LONRF1: variants seen among roughly 807,000 people sequenced by gnomAD.
The protein encoded by LONRF1 is LON peptidase N-terminal domain and ring finger 1.
LONRF1 carries 37 observed loss-of-function variants against 85.8 expected under a neutral mutation model. The observed-to-expected ratio is 0.43, with a 90% CI of 0.33 to 0.57. The LOEUF (loss-of-function observed/expected upper bound fraction) is 0.57, where lower values mean the gene tolerates loss of function less well. Among genes scored for constraint, LONRF1 ranks in the 20% least tolerant of loss-of-function variants. The probability of loss-of-function intolerance (pLI) is 0.04; values close to 1 mark genes in which losing one functional copy is unlikely to be tolerated. For synonymous variants in LONRF1, 517 were observed against 390.1 expected, an observed-to-expected ratio of 1.33 and a Z score of -3.83; for missense variants, 1,036 against 978.0, an observed-to-expected ratio of 1.06 and a Z score of -0.79.
intron 1 of LONRF1, among the ~76,000 whole-genome samples, chr8:12,752,221 T>C (rs528217337): frequency 1.3e-5 from 2 of 152,316 alleles, no homozygotes; most frequent in Admixed American, 6.5e-5. Context: ...CGTACAGTTA[T>C]ATAAATACAT....
At position 12,722,369 on chromosome 8, in the gene LONRF1, GT is replaced by G. The variant is rs1805925958; in HGVS notation, c.*726del. 6.6e-6 allele frequency: 1 copy of G among 152,590 alleles called. No individual in the cohort carries two copies. The highest frequency in any genetic ancestry group is 2.4e-5 in the African/African-American group (1 of 41,422). The allele number at this position is 152,590 out of a possible 1,614,324, so 9.5% of individuals were successfully genotyped here. ...ATTAAATGTAAACCATATTTTCACAGTTTTGAGTGTTTTATGAATAGATGCA... is the reference window on the plus strand; with the variant it reads ...ATTAAATGTAAACCATATTTTCACAGTTTGAGTGTTTTATGAATAGATGCA... On this transcript the variant is annotated 3_prime_UTR_variant, in exon 12 of 12. Transcript: ENST00000398246.
At chr8:12,741,624 G>C (rs1244773783) in intron 2 of LONRF1, among the ~76,000 whole-genome samples, 3 of 151,900 alleles carry the variant, frequency 2.0e-5, no homozygotes, top group Non-Finnish European at 4.4e-5. Flanking sequence ...GAGGGAAAAG[G>C]AAATTATACG....
At chr8:12,747,759 T>C (rs1472712598) in intron 1 of LONRF1, among the ~76,000 whole-genome samples, 4 of 151,440 alleles carry the variant, frequency 2.6e-5, no homozygotes, top group East Asian at 1.9e-4. Flanking sequence ...TCTCTCTCTT[T>C]TTTTTTTTTT....
intron 8 of LONRF1, 76 bp from the exon 9 acceptor site, chr8:12,729,408 G>T (rs151043826): frequency 3.5e-4 from 486 of 1,405,954 alleles, no homozygotes; most frequent in Non-Finnish European, 4.5e-4. Context: ...AATGAGTGAG[G>T]TTTATAACAG....
chr8:12,750,974 C>A, intron 1 of LONRF1, among the ~76,000 whole-genome samples: 1 of 152,198 alleles, frequency 6.6e-6, no homozygotes, highest in East Asian at 1.9e-4. Flanking sequence ...TGTTTTGACT[C>A]ATTTGATTCT....
intron 10 of LONRF1, among the ~76,000 whole-genome samples, chr8:12,726,875 T>G (rs2117225721): frequency 6.6e-6 from 1 of 152,296 alleles, no homozygotes; most frequent in South Asian, 2.1e-4. Context: ...AAATGAAAAC[T>G]AAAGTTTAAA....
At chr8:12,733,157 G>A (rs1292945866) in intron 7 of LONRF1, among the ~76,000 whole-genome samples, 1 of 152,072 alleles carries the variant, frequency 6.6e-6, no homozygotes, top group Non-Finnish European at 1.5e-5. Context: ...CATGGGGAGA[G>A]GTGGCCTTGG....
In LONRF1 at chr8:12,754,748, C is replaced by G; in HGVS notation, c.673G>C (p.Gly225Arg). The G allele has an allele frequency of 6.9e-7, 1 of 1,446,356 alleles. No individual in the cohort carries two copies. The highest frequency in any genetic ancestry group is 1.5e-5 in the African/African-American group (1 of 66,764). The allele number at this position is 1,446,356 out of a possible 1,614,324, so 89.6% of individuals were successfully genotyped here. ...GCGGCCAGGGCCTCCCGGTAGCGCCCCTGGTGCAGTAGCTCCCCGAGCCTG... is the reference window on the plus strand; with the variant it reads ...GCGGCCAGGGCCTCCCGGTAGCGCCGCTGGTGCAGTAGCTCCCCGAGCCTG... ...AGRLGELLHQ[G>R]RYREALAAAC... is the part of the protein sequence containing the mutation. The change falls in exon 1 of 12, where the codon GGG (glycine) becomes CGG (arginine). Residue 225 changes from glycine to arginine, a missense_variant. By Grantham distance (125) the Gly-to-Arg change is moderately radical. Around this residue, in one of 3 missense-constraint regions of LONRF1, gnomAD observed 742 missense variants for 614.4 expected, o/e 1.21. Coordinates refer to ENST00000398246, the MANE Select transcript of LONRF1 (RefSeq NM_152271.5).
chr8:12,743,001 T>C (rs1044909284), intron 2 of LONRF1, among the ~76,000 whole-genome samples, 163 bp downstream of exon 2: 7 of 152,198 alleles, frequency 4.6e-5, no homozygotes, highest in African/African-American at 1.7e-4. Flanking sequence ...GCTAGGATTA[T>C]GGAAATGAGC....
In LONRF1 at chr8:12,743,174, T is replaced by C. The variant is rs766339582; in HGVS notation, c.830A>G (p.Asp277Gly). The part of the protein sequence containing the change: ...DLNAVLFQLP[D>G]WPEVYFRKGK... ...AAACAGTAATTTTACCTCAGGCCAA[T>C]CTGGAAGTTGAAAAAGAACTGCATT... The change falls in exon 2 of 12, where the codon GAT (aspartate) becomes GGT (glycine). Residue 277 changes from aspartate (D) to glycine (G), a missense_variant. Coordinates refer to ENST00000398246, the MANE Select transcript of LONRF1 (RefSeq NM_152271.5). The C allele has an allele frequency of 6.2e-7, 1 of 1,605,986 alleles. No individual in the cohort carries two copies. The highest frequency in any genetic ancestry group is 1.1e-5 in the South Asian group (1 of 90,746).
At chr8:12,734,412 CT>C (rs557858618) in intron 7 of LONRF1, among the ~76,000 whole-genome samples, 6 of 151,990 alleles carry the variant, frequency 3.9e-5, no homozygotes, top group Non-Finnish European at 8.8e-5. Context: ...TTGGAAGATA[CT>C]TTTTTTTAAG....
At chr8:12,752,519 T>C (rs1433366865) in intron 1 of LONRF1, among the ~76,000 whole-genome samples, 1 of 152,202 alleles carries the variant, frequency 6.6e-6, no homozygotes, top group Non-Finnish European at 1.5e-5. Flanking sequence ...AATAAGCTAA[T>C]GCAGTGAAAG....
At chr8:12,729,536 T>A (rs1554461262) in intron 8 of LONRF1, 24 of 508,646 alleles carry the variant, frequency 4.7e-5, no homozygotes, top group Non-Finnish European at 2.5e-5. Flanking sequence ...ATATTAATAC[T>A]GAAAATCTGC....
intron 5 of LONRF1, 47 bp from the exon 6 acceptor site, chr8:12,736,844 A>C: frequency 6.3e-7 from 1 of 1,579,982 alleles, no homozygotes; most frequent in East Asian, 2.2e-5. Flanking sequence ...AAAAACTTTA[A>C]AGACTATTCT....
intron 10 of LONRF1, among the ~76,000 whole-genome samples, chr8:12,728,266 C>T (rs930180316): frequency 6.6e-6 from 1 of 152,052 alleles, no homozygotes; most frequent in Non-Finnish European, 1.5e-5. Context: ...TCAAAAGGGC[C>T]ACATTAACCC....
intron 1 of LONRF1, among the ~76,000 whole-genome samples, chr8:12,748,204 CTTTA>C (rs1020830128): frequency 2.6e-5 from 4 of 152,124 alleles, no homozygotes; most frequent in African/African-American, 4.8e-5. Flanking sequence ...ATTGCTTGTA[CTTTA>C]TTTATTTGAG....
intron 3 of LONRF1, among the ~76,000 whole-genome samples, chr8:12,739,660 C>G (rs905527592): frequency 6.6e-6 from 1 of 152,102 alleles, no homozygotes; most frequent in African/African-American, 2.4e-5. Flanking sequence ...TGGAGAAAAA[C>G]AAAATATTCT....
At chr8:12,739,358 A>C (rs1290764620) in intron 3 of LONRF1, among the ~76,000 whole-genome samples, 1 of 151,268 alleles carries the variant, frequency 6.6e-6, no homozygotes, top group Non-Finnish European at 1.5e-5. Flanking sequence ...AAAAAAAAAA[A>C]ACAAACCCAG....
At chr8:12,743,354 A>C in intron 1 of LONRF1, 72 bp from the exon 2 acceptor site, 1 of 961,432 alleles carries the variant, frequency 1.0e-6, no homozygotes, top group Non-Finnish European at 1.6e-6. Context: ...ATATGATCAT[A>C]CCAGATTAAG....
Sources: allele counts gnomAD v4.1 joint callset (sites outside exome capture counted in the v4.1 genomes callset), GRCh38; gene constraint gnomAD v4.1.1; regional missense constraint gnomAD v4.1.1; transcripts MANE v1.5; gene names NCBI Gene and HGNC (gene_info 2026-07-23, HGNC 2026-07-21).